Variants in TMEM132B observed in about 807,000 individuals in gnomAD.
TMEM132B encodes transmembrane protein 132B.
A neutral mutation model predicts 90.8 loss-of-function variants in TMEM132B; 18 were observed. The observed-to-expected ratio is 0.20, with a 90% CI of 0.14 to 0.29. The LOEUF is 0.29. Ranked by LOEUF, TMEM132B falls within the 10% of genes least tolerant of loss-of-function variation. The pLI, the probability that TMEM132B is intolerant of heterozygous loss-of-function variation, is 1.00. For missense variants in TMEM132B, 1,096 were observed against 1,326.8 expected (o/e 0.83, Z 2.70); for synonymous variants, 504 against 523.3 (o/e 0.96, Z 0.50).
At chr12:125,416,487 G>A (rs1351890028) in intron 3 of TMEM132B, among the ~76,000 whole-genome samples, 2 of 152,246 alleles carry the variant, frequency 1.3e-5, no homozygotes, top group Non-Finnish European at 2.9e-5. Flanking sequence ...GTCACAACCA[G>A]TTCTCTTTCT....
chr12:125,270,845 CT>C (rs1874820775), intron 1 of TMEM132B, among the ~76,000 whole-genome samples: 1 of 152,028 alleles, frequency 6.6e-6, no homozygotes, highest in African/African-American at 2.4e-5. Context: ...TGCCCAACTT[CT>C]TACAGCAAGA....
At chr12:125,204,106 C>A (rs551250374) in intron 1 of TMEM132B, among the ~76,000 whole-genome samples, 1 of 152,388 alleles carries the variant, frequency 6.6e-6, no homozygotes, top group African/African-American at 2.4e-5. Flanking sequence ...TCAATGAGGG[C>A]TCCCTGTGCC....
At chr12:125,516,872 C>G (rs1358149352) in intron 3 of TMEM132B, among the ~76,000 whole-genome samples, 5 of 152,170 alleles carry the variant, frequency 3.3e-5, no homozygotes, top group African/African-American at 4.8e-5. Context: ...TCTGACAGGA[C>G]CAAGCATCTC....
At chr12:125,288,956 T>A (rs4765035) in intron 1 of TMEM132B, among the ~76,000 whole-genome samples, 2 of 152,114 alleles carry the variant, frequency 1.3e-5, no homozygotes, top group African/African-American at 2.4e-5. Flanking sequence ...GGGCAGGCGG[T>A]GCCATGCAGA....
Position 125,255,477 on chromosome 12 carries a change from G to A in TMEM132B, c.67+68611G>A, listed in dbSNP as rs186304864. ...TCAAAAATCCGCAGACTTTCCTAAT[G>A]AAATGGAAAAGTGTGCAAATGTATC... is the stretch of plus-strand genomic sequence containing the variant. On this transcript the variant is annotated intron_variant, in intron 1 of 8. Transcript: ENST00000682704. 3.0e-4 allele frequency among the ~76,000 whole-genome samples: 45 copies of A among 152,314 alleles called. 1 individual carries two copies. Among genetic ancestry groups the A allele is most frequent in the African/African-American group, 1.0e-3 (43 of 41,578 alleles).
intron 1 of TMEM132B, among the ~76,000 whole-genome samples, chr12:125,253,121 A>G (rs1238040310): frequency 2.0e-5 from 3 of 152,134 alleles, no homozygotes; most frequent in Non-Finnish European, 4.4e-5. Flanking sequence ...GGCAGAGGAA[A>G]TGACCCCCTC....
chr12:125,287,528 A>G (rs1875395511), intron 1 of TMEM132B, among the ~76,000 whole-genome samples: 1 of 152,218 alleles, frequency 6.6e-6, no homozygotes, highest in Admixed American at 6.5e-5. Flanking sequence ...GAAAACAAAA[A>G]GGGCCTTAAT....
At chr12:125,370,393 C>T (rs1166172143) in intron 2 of TMEM132B, among the ~76,000 whole-genome samples, 4 of 152,192 alleles carry the variant, frequency 2.6e-5, no homozygotes, top group Admixed American at 6.5e-5. Flanking sequence ...CAAAACATCA[C>T]GTGCATCCAA....
intron 3 of TMEM132B, among the ~76,000 whole-genome samples, chr12:125,425,757 C>T (rs1046494580): frequency 1.2e-4 from 19 of 152,218 alleles, no homozygotes; most frequent in Non-Finnish European, 2.6e-4. Flanking sequence ...TCAGTTTCCT[C>T]GCTGTCTTTT....
At chr12:125,521,626 G>T (rs564429142) in intron 4 of TMEM132B, among the ~76,000 whole-genome samples, 1 of 152,332 alleles carries the variant, frequency 6.6e-6, no homozygotes, top group Admixed American at 6.5e-5. Context: ...GAGGGTGAGG[G>T]TGGAGGGGTT....
intron 1 of TMEM132B, among the ~76,000 whole-genome samples, chr12:125,236,321 G>A (rs1223188081): frequency 6.7e-6 from 1 of 149,762 alleles, no homozygotes; most frequent in African/African-American, 2.5e-5. Flanking sequence ...ATTTTTTTTT[G>A]TTTTTTTTGT....
At chr12:125,288,462 C>CA (rs11423298) in intron 1 of TMEM132B, among the ~76,000 whole-genome samples, 64,491 of 102,606 alleles carry the variant, frequency 0.63, 19,636 homozygotes, top group East Asian at 0.78. Context: ...GACTCCATCT[C>CA]AAAAAAAAAA....
At chr12:125,447,754 T>A (rs115818123) in intron 3 of TMEM132B, among the ~76,000 whole-genome samples, 1,948 of 152,316 alleles carry the variant, frequency 0.013, 50 homozygotes, top group African/African-American at 0.044. Flanking sequence ...TCTGGAATAA[T>A]ATTTTCCCTG....
intron 1 of TMEM132B, among the ~76,000 whole-genome samples, chr12:125,187,596 G>A (rs1240418667): frequency 2.0e-5 from 3 of 152,240 alleles, no homozygotes; most frequent in African/African-American, 7.2e-5. Context: ...CCTGGGCACC[G>A]GGGAGCTGGA....
chr12:125,322,150 G>A (rs546293445), intron 1 of TMEM132B, among the ~76,000 whole-genome samples: 6 of 152,330 alleles, frequency 3.9e-5, no homozygotes, highest in South Asian at 4.1e-4. Flanking sequence ...GGAGGGACCC[G>A]GTGAGAGGTA....
chr12:125,547,081 A>G (rs1884110204), intron 4 of TMEM132B, among the ~76,000 whole-genome samples: 1 of 152,214 alleles, frequency 6.6e-6, no homozygotes, highest in Non-Finnish European at 1.5e-5. Context: ...CCATGATTCA[A>G]TGACCTCTAC....
chr12:125,314,097 G>A (rs996529166), intron 1 of TMEM132B, among the ~76,000 whole-genome samples: 1 of 152,126 alleles, frequency 6.6e-6, no homozygotes, highest in African/African-American at 2.4e-5. Flanking sequence ...GCGAACTCAT[G>A]TATACCTGTG....
chr12:125,299,581 C>CACCTCT (rs1266018251), intron 1 of TMEM132B, among the ~76,000 whole-genome samples: 3 of 152,228 alleles, frequency 2.0e-5, no homozygotes, highest in Non-Finnish European at 4.4e-5. Context: ...TAGCCCCATG[C>CACCTCT]AGCCTGTGCA....
chr12:125,612,386 C>A (rs1885853845), intron 5 of TMEM132B, among the ~76,000 whole-genome samples: 1 of 151,634 alleles, frequency 6.6e-6, no homozygotes, highest in African/African-American at 2.4e-5. Context: ...TCGCTTGAAC[C>A]CGGGAGGTGG....
Sources: allele counts gnomAD v4.1 joint callset (sites outside exome capture counted in the v4.1 genomes callset), GRCh38; gene constraint gnomAD v4.1.1; transcripts MANE v1.5; gene names NCBI Gene and HGNC (gene_info 2026-07-23, HGNC 2026-07-21).